SMO: variants seen among roughly 807,000 people sequenced by gnomAD.
The protein encoded by SMO is protein smoothened.
In SMO, 40 loss-of-function variants were observed where a neutral mutation model predicts 81.6. The ratio of observed to expected loss-of-function variants is 0.49; its 90% CI spans 0.38 to 0.64. The LOEUF (loss-of-function observed/expected upper bound fraction) is 0.64, where lower values mean the gene tolerates loss of function less well. SMO is among the 30% of genes least tolerant of loss of function. SMO has a pLI of 0.00. For synonymous variants in SMO, 434 were observed against 432.1 expected, an observed-to-expected ratio of 1.00 and a Z score of -0.05; for missense variants, 916 against 1,061.1, an observed-to-expected ratio of 0.86 and a Z score of 1.90.
intron 1 of SMO, among the ~76,000 whole-genome samples, chr7:129,195,296 T>C (rs1758458350): frequency 6.6e-6 from 1 of 152,250 alleles, no homozygotes; most frequent in African/African-American, 2.4e-5. Flanking sequence ...TAACTTATAC[T>C]CCCACTAGCT....
chr7:129,208,140 A>G lies in SMO; in HGVS notation c.1265-619A>G, dbSNP rs1793804786. The stretch of plus-strand genomic sequence containing the variant: ...TTTAAGTGGCCACTAGAAATTTGCC[A>G]TATGTATGTGGCTCACATATTTCTA... On this transcript the variant is annotated intron_variant, in intron 6 of 11. Coordinates refer to ENST00000249373, the MANE Select transcript of SMO (RefSeq NM_005631.5). The surrounding 1 kb of genome is among the most constrained non-coding windows in gnomAD (Gnocchi z 5.2). 6.6e-6 allele frequency among the ~76,000 whole-genome samples: 1 copy of G among 152,056 alleles called. No homozygotes were observed. Among genetic ancestry groups the G allele is most frequent in the Non-Finnish European group, 1.5e-5 (1 of 68,034 alleles).
intron 1 of SMO, among the ~76,000 whole-genome samples, chr7:129,202,984 A>G (rs1793695233): frequency 6.6e-6 from 1 of 152,240 alleles, no homozygotes; most frequent in South Asian, 2.1e-4. Flanking sequence ...GAATACACTC[A>G]TGTAACCAGT....
chr7:129,203,263 C>A, intron 1 of SMO, 121 bp from the exon 2 acceptor site: 1 of 713,932 alleles, frequency 1.4e-6, no homozygotes, highest in Non-Finnish European at 2.4e-6. Context: ...AAACACTGTA[C>A]CTGCCAGGTC....
intron 1 of SMO, among the ~76,000 whole-genome samples, chr7:129,198,881 T>C (rs1241769097): frequency 6.6e-6 from 1 of 152,264 alleles, no homozygotes; most frequent in Non-Finnish European, 1.5e-5. Flanking sequence ...TTAAGCAACA[T>C]GTGACTATAT....
In SMO at chr7:129,205,383, G is replaced by A. The variant is rs376509030; in HGVS notation, c.718G>A (p.Val240Ile). 31 of 1,611,680 alleles carry A rather than the reference G, an allele frequency of 1.9e-5. 2 individuals are homozygous for A. Among genetic ancestry groups the A allele is most frequent in the South Asian group, 1.5e-4 (14 of 90,720 alleles). Residue 240 changes from valine (V) to isoleucine (I), a missense_variant, in exon 3 of 12, where the codon GTC (valine) becomes ATC (isoleucine). Around this residue, in one of 4 missense-constraint regions of SMO, gnomAD observed 436 missense variants for 570.9 expected, o/e 0.76. Transcript: ENST00000249373. Reference protein sequence around the residue: ...MHSYIAAFGAVTGLCTLFTLA... With the variant: ...MHSYIAAFGAITGLCTLFTLA... ...CAGCTACATCGCGGCCTTCGGGGCCGTCACGGGCCTCTGCACGCTCTTCAC... is the reference window on the plus strand; with the variant it reads ...CAGCTACATCGCGGCCTTCGGGGCCATCACGGGCCTCTGCACGCTCTTCAC...
Position 129,189,548 on chromosome 7 carries a change from A to C in SMO, c.331+66A>C, listed in dbSNP as rs1013930638. 23 of 1,506,120 alleles carry C rather than the reference A, an allele frequency of 1.5e-5. No individual in the cohort carries two copies. Among genetic ancestry groups the C allele is most frequent in the Admixed American group, 2.0e-5 (1 of 50,612 alleles). The allele number at this position is 1,506,120 out of a possible 1,614,324, so 93.3% of individuals were successfully genotyped here. On this transcript the variant is annotated intron_variant, in intron 1 of 11. Coordinates refer to ENST00000249373, the MANE Select transcript of SMO (RefSeq NM_005631.5). This position sits in a 1 kb window ranked among gnomAD's most constrained non-coding sequence, Gnocchi z 4.7. Reference sequence around the variant, plus strand: ...GCGGTAAGATGGGGGCACCCTTGGAAAGAACAGGCTCAGGCCTGAGTTTTG... The same window carrying C: ...GCGGTAAGATGGGGGCACCCTTGGACAGAACAGGCTCAGGCCTGAGTTTTG...
chr7:129,192,180 G>C (rs535744071), intron 1 of SMO, among the ~76,000 whole-genome samples: 1 of 152,302 alleles, frequency 6.6e-6, no homozygotes, highest in South Asian at 2.1e-4. Context: ...CCCATAACTT[G>C]ACACATAAGC....
At chr7:129,200,290 G>A (rs991568970) in intron 1 of SMO, among the ~76,000 whole-genome samples, 9 of 151,982 alleles carry the variant, frequency 5.9e-5, no homozygotes, top group South Asian at 2.1e-4. Context: ...GTGTGGTGGC[G>A]GGCGCCTGTA....
chr7:129,200,850 C>T (rs1451526557), intron 1 of SMO, among the ~76,000 whole-genome samples: 1 of 152,202 alleles, frequency 6.6e-6, no homozygotes, highest in African/African-American at 2.4e-5. Flanking sequence ...ATTCTTCTGC[C>T]TCAGCCTCCC....
chr7:129,203,312 G>A, intron 1 of SMO, 72 bp from the exon 2 acceptor site: 1 of 1,181,270 alleles, frequency 8.5e-7, no homozygotes, highest in East Asian at 2.5e-5. Context: ...AGGCCTGGAG[G>A]ACAGGGGTGA....
intron 1 of SMO, among the ~76,000 whole-genome samples, chr7:129,196,309 A>C (rs1411522152): frequency 7.2e-6 from 1 of 139,158 alleles, no homozygotes; most frequent in Admixed American, 7.6e-5. Context: ...TCTAGTAGAG[A>C]GTCTGAGCTA....
Position 129,210,830 on chromosome 7 carries a change from A to T in SMO, c.1653-135A>T. 1 of 910,870 alleles carries T rather than the reference A, an allele frequency of 1.1e-6. No homozygotes were observed. Among genetic ancestry groups the T allele is most frequent in the Non-Finnish European group, 1.7e-6 (1 of 603,480 alleles). 56.4% of individuals were successfully genotyped at this position (910,870 alleles called of 1,614,324 possible). On this transcript the variant is annotated intron_variant, in intron 9 of 11. Transcript: ENST00000249373. The surrounding 1 kb of genome is among the most constrained non-coding windows in gnomAD (Gnocchi z 4.7). The stretch of plus-strand genomic sequence containing the variant: ...CCACTTCTTTGCAGAGAAGGCCTCT[A>T]CTCCTGAGTCCTTGAAGGACTTGAG...
chr7:129,197,301 C>A (rs933592859), intron 1 of SMO, among the ~76,000 whole-genome samples: 2 of 152,110 alleles, frequency 1.3e-5, no homozygotes, highest in African/African-American at 2.4e-5. Context: ...GCTTTTTCTA[C>A]CCTTCACCAT....
Position 129,209,295 on chromosome 7 carries a change from T to C in SMO, c.1364T>C (p.Phe455Ser). 1 of 1,611,292 alleles carries C rather than the reference T, an allele frequency of 6.2e-7. No individual in the cohort carries two copies. Among genetic ancestry groups the C allele is most frequent in the South Asian group, 1.1e-5 (1 of 91,024 alleles). ...INETMLRLGI[F>S]GFLAFGFVLI... ...CTGCCCCTGTCCTCCACAGGCATTT[T>C]TGGCTTCCTGGCCTTTGGCTTTGTG... The change falls in exon 8 of 12, where the codon TTT becomes TCT. Residue 455 changes from phenylalanine to serine, a missense_variant. This residue lies in a region of SMO where 436 missense variants were observed against 570.9 expected (regional missense o/e 0.76). Coordinates refer to ENST00000249373, the MANE Select transcript of SMO (RefSeq NM_005631.5).
chr7:129,206,137 C>A lies in SMO; in HGVS notation c.921-13C>A. 1 of 1,573,056 alleles carries A rather than the reference C, an allele frequency of 6.4e-7. No individual in the cohort carries two copies. The highest frequency in any genetic ancestry group is 8.7e-7 in the Non-Finnish European group (1 of 1,155,056). ...AGTGACCGCCTCAAGTGACACCTCA[C>A]CTCTCTGCACAGCTCCAATGAGACT... is the stretch of plus-strand genomic sequence containing the variant. On this transcript the variant is annotated splice_polypyrimidine_tract_variant and intron_variant, in intron 4 of 11. Coordinates refer to ENST00000249373, the MANE Select transcript of SMO (RefSeq NM_005631.5). This position sits in a 1 kb window ranked among gnomAD's most constrained non-coding sequence, Gnocchi z 4.4.
At position 129,206,422 on chromosome 7, in the gene SMO, G is replaced by A. The variant is rs1165873545; in HGVS notation, c.1141-42G>A. 1.2e-6 allele frequency: 2 copies of A among 1,614,002 alleles called. No homozygotes were observed. Among genetic ancestry groups the A allele is most frequent in the African/African-American group, 2.7e-5 (2 of 75,044 alleles). On this transcript the variant is annotated intron_variant, in intron 5 of 11. Coordinates refer to ENST00000249373, the MANE Select transcript of SMO (RefSeq NM_005631.5). This position sits in a 1 kb window ranked among gnomAD's most constrained non-coding sequence, Gnocchi z 4.4. ...CTGGATGGGGTGAGTTTGAGGGAGG[G>A]GGCCAGTAACCCACCTTCTGTCCCA... is the stretch of plus-strand genomic sequence containing the variant.
Position 129,212,636 on chromosome 7 carries a change from C to T in SMO, c.*185C>T. On this transcript the variant is annotated 3_prime_UTR_variant, in exon 12 of 12. Transcript: ENST00000249373. This position sits in a 1 kb window ranked among gnomAD's most constrained non-coding sequence, Gnocchi z 5.0. ...ACTGTGGGAAAGAGCCTAACATCTC[C>T]ATGGGGAGGCCTCACCCCAGGGACA... 3 of 624,072 alleles carry T rather than the reference C, an allele frequency of 4.8e-6. No homozygotes were observed. Among genetic ancestry groups the T allele is most frequent in the Non-Finnish European group, 8.3e-6 (3 of 361,012 alleles). 38.7% of individuals were successfully genotyped at this position (624,072 alleles called of 1,614,324 possible). A position where few individuals can be genotyped will look rare whatever the true frequency, so the allele number is the denominator to read the frequency against.
intron 1 of SMO, among the ~76,000 whole-genome samples, chr7:129,200,789 A>T (rs1209395143): frequency 6.6e-6 from 1 of 152,132 alleles, no homozygotes; most frequent in African/African-American, 2.4e-5. Flanking sequence ...AGGCTGGAGT[A>T]CACTGTCGTG....
rs186407534 is a variant in SMO at position 129,195,827 on chromosome 7, C to T, written c.331+6345C>T. Reference sequence around the variant, plus strand: ...TTAACATTATGTACTGTGGGCCAGGCGTGGTGGCTCACACCTGTAATCCCA... The same window carrying T: ...TTAACATTATGTACTGTGGGCCAGGTGTGGTGGCTCACACCTGTAATCCCA... On this transcript the variant is annotated intron_variant, in intron 1 of 11. Coordinates refer to ENST00000249373, the MANE Select transcript of SMO (RefSeq NM_005631.5). Among the ~76,000 whole-genome samples the T allele has an allele frequency of 3.9e-5, 6 of 152,136 alleles. No homozygotes were observed. The East Asian group carries it at 7.7e-4, about 20-fold the overall frequency.
Sources: gnomAD v4.1 joint callset for allele counts (sites outside exome capture counted in the v4.1 genomes callset) on GRCh38, gnomAD v4.1.1 for gene constraint, gnomAD v4.1.1 regional missense constraint, Gnocchi (gnomAD v3.1) non-coding constraint, MANE v1.5 for transcripts, NCBI Gene and HGNC (gene_info 2026-07-23, HGNC 2026-07-21) for gene names.